CARMIL1: variants seen among roughly 807,000 people sequenced by gnomAD.
CARMIL1 encodes the protein F-actin-uncapping protein LRRC16A.
In CARMIL1, 90 loss-of-function variants were observed where a neutral mutation model predicts 177.1. That is an observed-to-expected ratio of 0.51 (90% CI 0.43 to 0.61). The LOEUF (loss-of-function observed/expected upper bound fraction) is 0.61. Ranked by LOEUF, CARMIL1 falls within the 20% of genes least tolerant of loss-of-function variation. The probability of loss-of-function intolerance (pLI) is 0.00; values close to 1 mark genes in which losing one functional copy is unlikely to be tolerated. For missense variants in CARMIL1, 1,380 were observed against 1,667.0 expected (o/e 0.83, Z 3.00); for synonymous variants, 577 against 606.2 (o/e 0.95, Z 0.71).
At chr6:25,598,994 G>C (rs1303283592) in intron 32 of CARMIL1, among the ~76,000 whole-genome samples, 1 of 152,222 alleles carries the variant, frequency 6.6e-6, no homozygotes, top group Non-Finnish European at 1.5e-5. Context: ...CACTGTGCAG[G>C]CTTTCTTGAG....
intron 2 of CARMIL1, among the ~76,000 whole-genome samples, chr6:25,336,804 T>C (rs1214483997): frequency 1.3e-5 from 2 of 152,318 alleles, no homozygotes; most frequent in East Asian, 3.9e-4. Context: ...TAGTGTTTGT[T>C]AAGTTATGCC....
At position 25,509,572 on chromosome 6, in the gene CARMIL1, G is replaced by A. The variant is rs1805263694; in HGVS notation, c.1396-84G>A. 5.9e-6 allele frequency: 5 copies of A among 852,392 alleles called. No homozygotes were observed. Among genetic ancestry groups the A allele is most frequent in the Non-Finnish European group, 9.5e-6 (5 of 526,940 alleles). 52.8% of individuals were successfully genotyped at this position (852,392 alleles called of 1,614,324 possible). A position where few individuals can be genotyped will look rare whatever the true frequency, so the allele number is the denominator to read the frequency against. On this transcript the variant is annotated intron_variant, in intron 17 of 36. Transcript: ENST00000329474. The surrounding 1 kb of genome is among the most constrained non-coding windows in gnomAD (Gnocchi z 4.1). ...TTGGTACTAAGTTTATTTTAAGACT[G>A]ACTGTCTCTCCTATTTTTAATTTTT...
At chr6:25,392,517 A>C (rs556136662) in intron 2 of CARMIL1, among the ~76,000 whole-genome samples, 28 of 152,284 alleles carry the variant, frequency 1.8e-4, no homozygotes, top group African/African-American at 6.0e-4. Flanking sequence ...AAGCAGACCT[A>C]CTTCCTTCAG....
At chr6:25,350,294 T>C (rs2150356652) in intron 2 of CARMIL1, among the ~76,000 whole-genome samples, 1 of 152,352 alleles carries the variant, frequency 6.6e-6, no homozygotes, top group East Asian at 1.9e-4. Flanking sequence ...GGGCTGCATT[T>C]GCTTTGTAGT....
chr6:25,292,140 T>C (rs572444099), intron 2 of CARMIL1, among the ~76,000 whole-genome samples: 1 of 152,326 alleles, frequency 6.6e-6, no homozygotes, highest in East Asian at 1.9e-4. Flanking sequence ...AAATCATTAT[T>C]CTAGGTCCCC....
rs112080150 is a variant in CARMIL1, at chr6:25,379,622, T to A, written c.139-40492T>A. ...CAGGGCTTTGCTTCTTTCTGATCAC[T>A]AAAAGGTGGATGGAATGAACCTTCT... On this transcript the variant is annotated intron_variant, in intron 2 of 36. Transcript: ENST00000329474. 3.3e-3 allele frequency among the ~76,000 whole-genome samples: 496 copies of A among 152,266 alleles called. 1 individual carries two copies. The highest frequency in any genetic ancestry group is 9.1e-3 in the African/African-American group (380 of 41,558).
intron 27 of CARMIL1, among the ~76,000 whole-genome samples, chr6:25,552,398 C>T (rs1360464016): frequency 6.6e-6 from 1 of 151,988 alleles, no homozygotes; most frequent in Non-Finnish European, 1.5e-5. Context: ...TGGGCAAATT[C>T]TGAAAGTTGA....
At chr6:25,473,597 G>T (rs781648507) in intron 11 of CARMIL1, among the ~76,000 whole-genome samples, 1 of 152,160 alleles carries the variant, frequency 6.6e-6, no homozygotes, top group Non-Finnish European at 1.5e-5. Flanking sequence ...GGAGAAGGAG[G>T]AAGAAAAGAA....
intron 32 of CARMIL1, among the ~76,000 whole-genome samples, chr6:25,596,379 C>T (rs1012131086): frequency 1.5e-4 from 23 of 152,068 alleles, no homozygotes; most frequent in African/African-American, 3.4e-4. Context: ...TGAAGTAGTA[C>T]GAAGAAAGTT....
chr6:25,573,603 A>AG lies in CARMIL1; in HGVS notation c.2743-7321_2743-7320insG, dbSNP rs374395033. On this transcript the variant is annotated intron_variant, in intron 29 of 36. Transcript: ENST00000329474. ...TTTACCTCTAAGCAAAAAAAAAAAA[A>AG]AAAAAAAATCCTTTTTTGCTTATTT... Among the ~76,000 whole-genome samples the AG allele has an allele frequency of 6.1e-3, 930 of 151,668 alleles. 8 individuals are homozygous for AG. The highest frequency in any genetic ancestry group is 9.0e-3 in the Non-Finnish European group (608 of 67,892).
At position 25,326,285 on chromosome 6, in the gene CARMIL1, G is replaced by C. The variant is rs527360458; in HGVS notation, c.138+41376G>C. On this transcript the variant is annotated intron_variant, in intron 2 of 36. Coordinates refer to ENST00000329474, the MANE Select transcript of CARMIL1 (RefSeq NM_017640.6). The surrounding 1 kb of genome is among the most constrained non-coding windows in gnomAD (Gnocchi z 4.2). ...GGCAGATTCAATATATTGTGCAAAG[G>C]CCCTGAGGAAGTGTGTGGTTTTAGT... Among the ~76,000 whole-genome samples the C allele has an allele frequency of 6.6e-6, 1 of 152,188 alleles. No individual in the cohort carries two copies. The highest frequency in any genetic ancestry group is 1.5e-5 in the Non-Finnish European group (1 of 68,038).
chr6:25,356,935 T>G (rs1245837151), intron 2 of CARMIL1, among the ~76,000 whole-genome samples: 3 of 152,214 alleles, frequency 2.0e-5, no homozygotes, highest in Non-Finnish European at 2.9e-5. Flanking sequence ...TCCAGAACCC[T>G]TAAACGGCAG....
intron 2 of CARMIL1, among the ~76,000 whole-genome samples, chr6:25,299,728 C>A (rs984190078): frequency 6.6e-6 from 1 of 151,840 alleles, no homozygotes; most frequent in African/African-American, 2.4e-5. Context: ...GTAATTCCAG[C>A]ACTTTGGGAG....
chr6:25,368,624 A>C (rs1230905142), intron 2 of CARMIL1, among the ~76,000 whole-genome samples: 1 of 152,174 alleles, frequency 6.6e-6, no homozygotes. Flanking sequence ...CATAAGACCC[A>C]CCTGATTGGC....
chr6:25,393,711 T>A (rs912174994), intron 2 of CARMIL1, among the ~76,000 whole-genome samples: 1 of 81,892 alleles, frequency 1.2e-5, no homozygotes, highest in African/African-American at 5.7e-5. Flanking sequence ...TGCTCTACAA[T>A]TTTTTTTTTT....
chr6:25,475,048 T>C (rs192312229), intron 11 of CARMIL1, among the ~76,000 whole-genome samples: 1 of 152,356 alleles, frequency 6.6e-6, no homozygotes, highest in Non-Finnish European at 1.5e-5. Flanking sequence ...TGGAAACTCC[T>C]ACATTGCTGG....
intron 2 of CARMIL1, among the ~76,000 whole-genome samples, chr6:25,347,038 G>C (rs1249864698): frequency 1.3e-5 from 2 of 152,154 alleles, no homozygotes; most frequent in Non-Finnish European, 2.9e-5. Context: ...TAAGGGGGCT[G>C]TTTGGAAATG....
intron 2 of CARMIL1, among the ~76,000 whole-genome samples, chr6:25,350,334 T>C (rs1158653636): frequency 5.3e-5 from 8 of 152,192 alleles, no homozygotes; most frequent in Admixed American, 5.2e-4. Context: ...TGTGGTTATC[T>C]AAAGTCTTAT....
Position 25,619,455 on chromosome 6 carries a change from A to C in CARMIL1, c.3988A>C (p.Arg1330=), listed in dbSNP as rs1344048541. 1 of 1,611,012 alleles carries C rather than the reference A, an allele frequency of 6.2e-7. No individual in the cohort carries two copies. The highest frequency in any genetic ancestry group is 8.5e-7 in the Non-Finnish European group (1 of 1,178,890). Residue 1330 remains arginine, a synonymous_variant, in exon 37 of 37, where the codon AGA becomes CGA. Transcript: ENST00000329474. The stretch of plus-strand genomic sequence containing the variant: ...TTCCCTTTTTATTTCAGTTTCAAGG[A>C]GAAGCTGGGGCCAGCAGGCCCAGGA... ...PRTFSQEVSR[R]SWGQQAQEYQ...
Sources: gnomAD v4.1 joint callset for allele counts (sites outside exome capture counted in the v4.1 genomes callset) on GRCh38, gnomAD v4.1.1 for gene constraint, Gnocchi (gnomAD v3.1) non-coding constraint, MANE v1.5 for transcripts, NCBI Gene and HGNC (gene_info 2026-07-23, HGNC 2026-07-21) for gene names.